Variants in C5orf63 observed in about 807,000 individuals in gnomAD.
The protein encoded by C5orf63 is chromosome 5 open reading frame 63.
A neutral mutation model predicts 13.3 loss-of-function variants in C5orf63; 18 were observed. That is an observed-to-expected ratio of 1.36 (90% CI 0.94 to 2.01). The LOEUF is 2.01. C5orf63 is among the 30% of genes most tolerant of loss of function. The pLI is 0.00. For synonymous variants in C5orf63, 38 were observed against 44.7 expected (o/e 0.85, Z 0.60); for missense variants, 118 against 127.7 (o/e 0.92, Z 0.36).
rs114206437 is a variant in C5orf63 at position 127,066,126 on chromosome 5, A to C, written c.-8+5458T>G. On this transcript the variant is annotated intron_variant, in intron 2 of 4. Transcript: ENST00000296662. ...TAAGTGAGGACAAATGATTTATTGA[A>C]AGAAACAGAAAAGATTGTATGGCTT... Among the ~76,000 whole-genome samples, 590 of 152,288 alleles carry C rather than the reference A, an allele frequency of 3.9e-3. 8 individuals are homozygous for C. Among genetic ancestry groups the C allele is most frequent in the African/African-American group, 0.014 (575 of 41,550 alleles).
chr5:127,055,817 A>T (rs1753863783), intron 3 of C5orf63, among the ~76,000 whole-genome samples: 1 of 152,224 alleles, frequency 6.6e-6, no homozygotes, highest in Non-Finnish European at 1.5e-5. Flanking sequence ...AGAAGAATCT[A>T]GATTGGGTTT....
chr5:127,067,708 T>G (rs1230493836), intron 2 of C5orf63, among the ~76,000 whole-genome samples: 1 of 152,196 alleles, frequency 6.6e-6, no homozygotes. Context: ...TTTGTTTTTA[T>G]TTCTCAAACA....
downstream of C5orf63, among the ~76,000 whole-genome samples, chr5:127,051,023 T>C (rs73339248): frequency 0.1 from 15,583 of 152,172 alleles, 1,290 homozygotes; most frequent in African/African-American, 0.23. Context: ...ATATTAAAAT[T>C]TGACTTAAAA....
intron 3 of C5orf63, among the ~76,000 whole-genome samples, chr5:127,054,158 T>C (rs1181255283): frequency 1.3e-5 from 2 of 152,118 alleles, no homozygotes; most frequent in Admixed American, 1.3e-4. Flanking sequence ...AGAATCTAGA[T>C]TGGGTTTTTT....
At chr5:127,056,220 A>G (rs879020205) in intron 3 of C5orf63, among the ~76,000 whole-genome samples, 48 of 152,226 alleles carry the variant, frequency 3.2e-4, no homozygotes, top group African/African-American at 1.0e-3. Context: ...TGGGCCAATC[A>G]GAGCCAGTGG....
At chr5:127,052,359 T>G in intron 4 of C5orf63, 1 of 369,716 alleles carries the variant, frequency 2.7e-6, no homozygotes, top group East Asian at 4.0e-5. Context: ...AAAGAAAACA[T>G]GAATGCTGCA....
chr5:127,051,250 C>T, downstream of C5orf63: 4 of 1,135,396 alleles, frequency 3.5e-6, no homozygotes, highest in Non-Finnish European at 4.4e-6. Flanking sequence ...CAAAAATGAA[C>T]TCTAATTTTA....
downstream of C5orf63, chr5:127,047,881 C>T: frequency 1.4e-6 from 1 of 702,850 alleles, no homozygotes; most frequent in Non-Finnish European, 2.6e-6. Flanking sequence ...GCGTCTTCTC[C>T]TTGTTCCTGG....
At chr5:127,060,469 C>A (rs77370440) in intron 2 of C5orf63, among the ~76,000 whole-genome samples, 2,577 of 152,310 alleles carry the variant, frequency 0.017, 69 homozygotes, top group African/African-American at 0.059. Context: ...TACTGAGTCT[C>A]CAGTTTTGTC....
At chr5:127,046,622 C>T (rs1265513534), downstream of C5orf63, 1 of 152,264 alleles carries the variant, frequency 6.6e-6, no homozygotes, top group African/African-American at 2.4e-5. Context: ...GATTTGCATA[C>T]CGCTTCCATA....
downstream of C5orf63, among the ~76,000 whole-genome samples, chr5:127,048,156 C>T (rs939502535): frequency 1.3e-5 from 2 of 151,538 alleles, no homozygotes; most frequent in African/African-American, 4.8e-5. Flanking sequence ...CCAGTGTTTC[C>T]CTCTGGGTAT....
chr5:127,057,844 G>A (rs1753947270), intron 3 of C5orf63, among the ~76,000 whole-genome samples: 1 of 152,150 alleles, frequency 6.6e-6, no homozygotes, highest in African/African-American at 2.4e-5. Context: ...TGATTTCACT[G>A]TTTAAATAAG....
chr5:127,059,298 A>C (rs533897579), intron 2 of C5orf63, among the ~76,000 whole-genome samples: 240 of 152,332 alleles, frequency 1.6e-3, no homozygotes, highest in Non-Finnish European at 3.0e-3. Context: ...TTTGAATATA[A>C]AATTTCATCT....
intron 2 of C5orf63, among the ~76,000 whole-genome samples, chr5:127,068,938 T>C (rs1166850442): frequency 6.6e-6 from 1 of 152,166 alleles, no homozygotes; most frequent in Non-Finnish European, 1.5e-5. Flanking sequence ...ACAATGGGGT[T>C]TGCACACACT....
At chr5:127,054,039 G>C (rs936775890) in intron 3 of C5orf63, among the ~76,000 whole-genome samples, 1 of 152,174 alleles carries the variant, frequency 6.6e-6, no homozygotes, top group Admixed American at 6.5e-5. Flanking sequence ...TTCAGAGAAG[G>C]TTTCAAAAAG....
At chr5:127,056,151 A>G (rs946136554) in intron 3 of C5orf63, among the ~76,000 whole-genome samples, 1 of 152,160 alleles carries the variant, frequency 6.6e-6, no homozygotes, top group African/African-American at 2.4e-5. Flanking sequence ...ATCCCAGAAA[A>G]ACAAAGGTGA....
At chr5:127,061,170 AC>A (rs1754092163) in intron 2 of C5orf63, among the ~76,000 whole-genome samples, 1 of 152,130 alleles carries the variant, frequency 6.6e-6, no homozygotes, top group Admixed American at 6.6e-5. Context: ...GGGTACTGCA[AC>A]TGGTTCTAAC....
rs1220614984 is a variant in C5orf63, at chr5:127,051,836, G to C, written c.283C>G (p.Arg95Gly). The change falls in exon 5 of 5, where the codon CGA becomes GGA. Residue 95 changes from arginine (R) to glycine (G), a missense_variant. Coordinates refer to ENST00000296662, the MANE Select transcript of C5orf63 (RefSeq NM_001164478.2). ...TTTTCAAGTTTTGAGGTGTTTACTC[G>C]ATGCATCATCAGAAACTGGCCATTC... ...HLNGQFLMMH[R>G]VNTSKLEKQL... 1 of 1,535,646 alleles carries C rather than the reference G, an allele frequency of 6.5e-7. No homozygotes were observed. The highest frequency in any genetic ancestry group is 1.4e-5 in the African/African-American group (1 of 72,918).
chr5:127,051,842 T>A lies in C5orf63; in HGVS notation c.277A>T (p.Met93Leu), dbSNP rs776291858. The change falls in exon 5 of 5, where the codon ATG (methionine) becomes TTG (leucine). Residue 93 changes from methionine to leucine, a missense_variant. Physicochemically the swap from Met to Leu is conservative, Grantham distance 15. Transcript: ENST00000296662. Reference protein sequence around the residue: ...VFHLNGQFLMMHRVNTSKLEK... With the variant: ...VFHLNGQFLMLHRVNTSKLEK... ...AGTTTTGAGGTGTTTACTCGATGCA[T>A]CATCAGAAACTGGCCATTCAAGTGA... 6.5e-7 allele frequency: 1 copy of A among 1,536,362 alleles called. No individual in the cohort carries two copies. The highest frequency in any genetic ancestry group is 1.2e-5 in the South Asian group (1 of 83,806).
Sources: allele counts gnomAD v4.1 joint callset (sites outside exome capture counted in the v4.1 genomes callset), GRCh38; gene constraint gnomAD v4.1.1; transcripts MANE v1.5; gene names NCBI Gene and HGNC (gene_info 2026-07-23, HGNC 2026-07-21).